Variants in C5 observed in about 807,000 individuals in gnomAD.
C5 encodes complement C5, also known as C3 and PZP-like alpha-2-macroglobulin domain-containing protein 4.
Under a neutral mutation model 218.8 loss-of-function variants are expected in C5, and 140 were observed. That is an observed-to-expected ratio of 0.64 (90% CI 0.56 to 0.74). The LOEUF (loss-of-function observed/expected upper bound fraction) is 0.74. C5 is among the 30% of genes least tolerant of loss of function. The pLI is 0.00. For missense variants in C5, 1,700 were observed against 1,969.6 expected, an observed-to-expected ratio of 0.86 and a Z score of 2.59; for synonymous variants, 614 against 682.3, an observed-to-expected ratio of 0.90 and a Z score of 1.56.
At chr9:121,028,030 A>G (rs2047440323) in intron 7 of C5, among the ~76,000 whole-genome samples, 1 of 152,210 alleles carries the variant, frequency 6.6e-6, no homozygotes, top group Non-Finnish European at 1.5e-5. Context: ...AAAAGTGGGC[A>G]AAGGATATGA....
intron 33 of C5, among the ~76,000 whole-genome samples, chr9:120,964,790 CCTTT>C (rs1438285867): frequency 6.6e-6 from 1 of 152,100 alleles, no homozygotes; most frequent in African/African-American, 2.4e-5. Flanking sequence ...AATCATTTCC[CCTTT>C]CTAAGCTCAT....
chr9:121,006,794 A>T, intron 19 of C5, 110 bp downstream of exon 19: 2 of 761,982 alleles, frequency 2.6e-6, no homozygotes, highest in South Asian at 1.6e-5. Context: ...AATATTTTTT[A>T]AAAATTGCTA....
chr9:120,968,698 A>G (rs2131678865), intron 33 of C5, among the ~76,000 whole-genome samples: 1 of 152,314 alleles, frequency 6.6e-6, no homozygotes, highest in African/African-American at 2.4e-5. Flanking sequence ...CTAGCTGATA[A>G]TGGATTTTGT....
chr9:121,068,595 C>A, the C5 span, among the ~76,000 whole-genome samples: 2 of 152,078 alleles, frequency 1.3e-5, no homozygotes, highest in African/African-American at 4.8e-5. Context: ...TATCAAAATA[C>A]CAATGATTTT....
In C5 at chr9:121,023,460, G is replaced by T. The variant is rs34552775; in HGVS notation, c.1060C>A (p.Leu354Met). ...AAAAGAGGAGTAGCAACCAAATTCA[G>T]TTTGTAGGGAGAGAGGACATATTTG... ...GIKYVLSPYKLNLVATPLFLK... is the reference protein window; with the variant it reads ...GIKYVLSPYKMNLVATPLFLK... Residue 354 changes from leucine to methionine, a missense_variant, in exon 10 of 41, where the codon CTG (leucine) becomes ATG (methionine). Transcript: ENST00000223642. 5,890 of 1,613,968 alleles carry T rather than the reference G, an allele frequency of 3.6e-3. 47 individuals carry two copies. The highest frequency in any genetic ancestry group is 3.2e-3 in the Non-Finnish European group (3,724 of 1,179,832).
chr9:121,023,630 T>A, intron 9 of C5, 111 bp from the exon 10 acceptor site: 3 of 733,966 alleles, frequency 4.1e-6, no homozygotes, highest in Non-Finnish European at 7.5e-6. Context: ...ACTCACTCCA[T>A]TCTTGCATTC....
In C5 at chr9:120,962,669, A is replaced by G; in HGVS notation, c.4504+2T>C. On this transcript the variant is annotated splice_donor_variant, in intron 36 of 40. Coordinates refer to ENST00000223642, the MANE Select transcript of C5 (RefSeq NM_001735.3). LOFTEE classifies it high-confidence loss of function. Reference sequence around the variant, plus strand: ...AAGAAATGTTAGCATGGAGTTGATTACCTGGTCTGTGGTATTCGTACACTG... The same window carrying G: ...AAGAAATGTTAGCATGGAGTTGATTGCCTGGTCTGTGGTATTCGTACACTG... 6.3e-7 allele frequency: 1 copy of G among 1,589,696 alleles called. No individual in the cohort carries two copies. Among genetic ancestry groups the G allele is most frequent in the Non-Finnish European group, 8.6e-7 (1 of 1,157,752 alleles).
chr9:120,984,049 T>C (rs1391740816), intron 25 of C5, among the ~76,000 whole-genome samples: 1 of 152,194 alleles, frequency 6.6e-6, no homozygotes, highest in African/African-American at 2.4e-5. Flanking sequence ...AGATCTATAT[T>C]AATACATAAA....
intron 23 of C5, 127 bp from the exon 24 acceptor site, chr9:120,989,907 T>C (rs1465548306): frequency 4.2e-6 from 3 of 721,456 alleles, no homozygotes; most frequent in Non-Finnish European, 7.2e-6. Flanking sequence ...GACTTGCTTC[T>C]CAGAAACGGG....
intron 2 of C5, among the ~76,000 whole-genome samples, chr9:121,043,699 AC>A (rs1304301057): frequency 1.1e-5 from 1 of 93,584 alleles, no homozygotes; most frequent in African/African-American, 3.3e-5. Flanking sequence ...TGTCCAGCTA[AC>A]TTTTTTTTTT....
At position 121,046,367 on chromosome 9, in the gene C5, G is replaced by T; in HGVS notation, c.82C>A (p.Pro28Thr). 1 of 1,611,260 alleles carries T rather than the reference G, an allele frequency of 6.2e-7. No homozygotes were observed. Among genetic ancestry groups the T allele is most frequent in the Non-Finnish European group, 8.5e-7 (1 of 1,177,768 alleles). ...GATGCTCCAACACGGAATATTTTTG[G>T]TGCTGAAATGACATATCTGTTGAAA... The part of the protein sequence containing the change: ...GQEQTYVISA[P>T]KIFRVGASEN... Residue 28 changes from proline to threonine, a missense_variant, in exon 2 of 41, where the codon CCA becomes ACA. Pro to Thr is a conservative substitution (Grantham distance 38). Coordinates refer to ENST00000223642, the MANE Select transcript of C5 (RefSeq NM_001735.3).
At chr9:121,030,285 T>C (rs1422905731) in intron 7 of C5, 112 bp downstream of exon 7, 1 of 625,542 alleles carries the variant, frequency 1.6e-6, no homozygotes, top group Non-Finnish European at 2.8e-6. Flanking sequence ...CCCCAAATCA[T>C]GGCACACTTT....
chr9:120,971,206 G>T (rs2046910378), intron 31 of C5, among the ~76,000 whole-genome samples: 1 of 149,520 alleles, frequency 6.7e-6, no homozygotes, highest in Non-Finnish European at 1.5e-5. Context: ...AATTGCAACT[G>T]CCAAGTGGCT....
chr9:120,984,714 C>CTTTT (rs149222003), intron 25 of C5, among the ~76,000 whole-genome samples: 67 of 69,208 alleles, frequency 9.7e-4, no homozygotes, highest in Non-Finnish European at 1.2e-3. Flanking sequence ...TAAGCTCTTA[C>CTTTT]TTTTTTTTTT....
At chr9:121,016,649 G>C (rs2047309778) in intron 14 of C5, among the ~76,000 whole-genome samples, 1 of 152,148 alleles carries the variant, frequency 6.6e-6, no homozygotes, top group Non-Finnish European at 1.5e-5. Context: ...CTGATATATA[G>C]TGTTTTGTAC....
At chr9:121,002,238 G>GTA (rs1369875646) in intron 20 of C5, among the ~76,000 whole-genome samples, 9 of 58,554 alleles carry the variant, frequency 1.5e-4, no homozygotes, top group Non-Finnish European at 2.4e-4. Context: ...ATGTATATAT[G>GTA]TATATGTATA....
At chr9:121,000,696 T>G (rs920571955) in intron 20 of C5, among the ~76,000 whole-genome samples, 1 of 152,344 alleles carries the variant, frequency 6.6e-6, no homozygotes, top group Admixed American at 6.5e-5. Context: ...CATTTTATTT[T>G]AGGTTCGGGG....
intron 11 of C5, 46 bp from the exon 12 acceptor site, chr9:121,020,225 C>G (rs1224552623): frequency 7.7e-7 from 1 of 1,301,192 alleles, no homozygotes. Context: ...TGATGTAATG[C>G]TTTCTGTAAA....
rs752727984 is a variant in C5, at chr9:120,982,806, G to A, written c.3239C>T (p.Ala1080Val). Residue 1080 changes from alanine (A) to valine (V), a missense_variant, in exon 26 of 41, where the codon GCT becomes GTT. Coordinates refer to ENST00000223642, the MANE Select transcript of C5 (RefSeq NM_001735.3). The part of the protein sequence containing the change: ...KGGSASTWLT[A>V]FALRVLGQVN... ...TTGTCCAAGTACTCTTAAAGCAAAA[G>A]CTGTTAACCTTTAAGACAAAATCAA... 36 of 1,573,338 alleles carry A rather than the reference G, an allele frequency of 2.3e-5. No individual in the cohort carries two copies. The highest frequency in any genetic ancestry group is 3.1e-5 in the Non-Finnish European group (36 of 1,146,150).
Sources: gnomAD v4.1 joint callset for allele counts (sites outside exome capture counted in the v4.1 genomes callset) on GRCh38, gnomAD v4.1.1 for gene constraint, MANE v1.5 for transcripts, NCBI Gene and HGNC (gene_info 2026-07-23, HGNC 2026-07-21) for gene names.